Variants in SNX19 observed in about 807,000 individuals in gnomAD.
SNX19 encodes sorting nexin 19, also known as sorting nexin-19.
In SNX19, 60 loss-of-function variants were observed where a neutral mutation model predicts 85.2. The observed-to-expected ratio is 0.70, with a 90% CI of 0.57 to 0.87. SNX19 has a LOEUF of 0.87. SNX19 is among the 40% of genes least tolerant of loss of function. SNX19 has a pLI of 0.00. For missense variants in SNX19, 1,201 were observed against 1,217.8 expected, an observed-to-expected ratio of 0.99 and a Z score of 0.21; for synonymous variants, 520 against 470.0, an observed-to-expected ratio of 1.11 and a Z score of -1.38.
At chr11:130,901,187 C>T (rs1945235729) in intron 8 of SNX19, among the ~76,000 whole-genome samples, 1 of 152,160 alleles carries the variant, frequency 6.6e-6, no homozygotes, top group Non-Finnish European at 1.5e-5. Flanking sequence ...ACATCTCCTT[C>T]CCAGTTGTGA....
At chr11:130,894,409 A>G (rs1944722730) in intron 8 of SNX19, among the ~76,000 whole-genome samples, 1 of 152,234 alleles carries the variant, frequency 6.6e-6, no homozygotes, top group African/African-American at 2.4e-5. Flanking sequence ...AGGGTGAAAG[A>G]TCAAAGAAAC....
At position 130,871,084 on chromosome 11, in the gene SNX19, C is replaced by T. The variant is rs1010951505; in HGVS notation, c.*7338G>A. Among the ~76,000 whole-genome samples the T allele has an allele frequency of 1.3e-5, 2 of 152,006 alleles. No homozygotes were observed. Among genetic ancestry groups the T allele is most frequent in the Non-Finnish European group, 1.5e-5 (1 of 68,022 alleles). On this transcript the variant is annotated 3_prime_UTR_variant, in exon 11 of 11. Coordinates refer to ENST00000265909, the MANE Select transcript of SNX19 (RefSeq NM_014758.3). ...CTGGAGAAGAGAAGGTAATCTACCACGTGGAAGGAAGGACATGAACAAAAA... is the reference window on the plus strand; with the variant it reads ...CTGGAGAAGAGAAGGTAATCTACCATGTGGAAGGAAGGACATGAACAAAAA...
At chr11:130,900,916 C>A (rs80341375) in intron 8 of SNX19, among the ~76,000 whole-genome samples, 11,504 of 152,152 alleles carry the variant, frequency 0.076, 519 homozygotes, top group African/African-American at 0.11. Flanking sequence ...TGTAAAGGTA[C>A]TGGGAAGGGA....
chr11:130,879,547 C>T, intron 10 of SNX19, 77 bp downstream of exon 10: 1 of 1,301,660 alleles, frequency 7.7e-7, no homozygotes, highest in Non-Finnish European at 1.1e-6. Context: ...GGGCTTTTCA[C>T]TCAGAAACCT....
At chr11:130,906,792 G>C (rs577306902) in intron 5 of SNX19, 71 bp from the exon 6 acceptor site, 145 of 1,090,868 alleles carry the variant, frequency 1.3e-4, no homozygotes, top group Non-Finnish European at 1.8e-4. Context: ...GGGCTGGCAA[G>C]TACTGATAAT....
chr11:130,872,004 A>C lies in SNX19; in HGVS notation c.*6418T>G, dbSNP rs774659635. 8.5e-5 allele frequency among the ~76,000 whole-genome samples: 13 copies of C among 152,144 alleles called. No individual in the cohort carries two copies. Among genetic ancestry groups the C allele is most frequent in the Non-Finnish European group, 1.6e-4 (11 of 68,030 alleles). The stretch of plus-strand genomic sequence containing the variant: ...CTAAGTTTGGATCTTGATTACTGTT[A>C]CCTTCGTTTTGTTTTTTTAATTCTC... On this transcript the variant is annotated 3_prime_UTR_variant, in exon 11 of 11. Transcript: ENST00000265909.
chr11:130,904,898 T>C (rs1423366749), intron 7 of SNX19, among the ~76,000 whole-genome samples: 1 of 152,136 alleles, frequency 6.6e-6, no homozygotes, highest in Admixed American at 6.5e-5. Context: ...TTCACTGTCA[T>C]ATCACTTCAT....
chr11:130,907,228 A>G (rs760182011), intron 5 of SNX19, among the ~76,000 whole-genome samples: 21 of 152,226 alleles, frequency 1.4e-4, no homozygotes, highest in Non-Finnish European at 2.5e-4. Context: ...TCATAAGCAG[A>G]GGTATCATGG....
rs1241158390 is a variant in SNX19, at chr11:130,915,975, C to T, written c.-36G>A. 1.3e-6 allele frequency: 2 copies of T among 1,570,768 alleles called. No individual in the cohort carries two copies. On this transcript the variant is annotated 5_prime_UTR_variant, in exon 1 of 11. Transcript: ENST00000265909. ...ACAAGGTGGCTTCCCCAGATGACAGCCCTCAAGATTTTACTTCAGAGTTAG... is the reference window on the plus strand; with the variant it reads ...ACAAGGTGGCTTCCCCAGATGACAGTCCTCAAGATTTTACTTCAGAGTTAG...
At chr11:130,908,160 G>C in intron 4 of SNX19, 77 bp from the exon 5 acceptor site, 1 of 1,532,412 alleles carries the variant, frequency 6.5e-7, no homozygotes, top group East Asian at 2.3e-5. Context: ...TCGCCTCACA[G>C]CACTTTATGC....
At position 130,910,033 on chromosome 11, in the gene SNX19, G is replaced by T. The variant is rs943897077; in HGVS notation, c.2019C>A (p.Val673=). 11 of 1,613,408 alleles carry T rather than the reference G, an allele frequency of 6.8e-6. No individual in the cohort carries two copies. Among genetic ancestry groups the T allele is most frequent in the Non-Finnish European group, 9.3e-6 (11 of 1,180,030 alleles). Residue 673 remains valine (V), a synonymous_variant, in exon 4 of 11, where the codon GTC becomes GTA. Coordinates refer to ENST00000265909, the MANE Select transcript of SNX19 (RefSeq NM_014758.3). The part of the protein sequence containing the change: ...RIAFVKKPFM[V]SRIDKMVVSA... Reference sequence around the variant, plus strand: ...CTGCTGGTACCTTGTCTATTCTAGAGACCATAAATGGTTTCTTGACAAAGG... The same window carrying T: ...CTGCTGGTACCTTGTCTATTCTAGATACCATAAATGGTTTCTTGACAAAGG...
At position 130,915,277 on chromosome 11, in the gene SNX19, T is replaced by C; in HGVS notation, c.663A>G (p.Gln221=). 6.2e-7 allele frequency: 1 copy of C among 1,614,226 alleles called. No homozygotes were observed. Among genetic ancestry groups the C allele is most frequent in the South Asian group, 1.1e-5 (1 of 91,088 alleles). The change falls in exon 1 of 11, where the codon CAA becomes CAG. Residue 221 remains glutamine (Q), a synonymous_variant. Coordinates refer to ENST00000265909, the MANE Select transcript of SNX19 (RefSeq NM_014758.3). ...YTRGVVNLLL[Q]GLVPKPHLET... ...CCAAGTGGGGCTTGGGCACCAGCCC[T>C]TGAAGCAACAAATTCACAACGCCAC...
At chr11:130,880,987 C>T in intron 8 of SNX19, 181 bp from the exon 9 acceptor site, 2 of 426,550 alleles carry the variant, frequency 4.7e-6, no homozygotes, top group Non-Finnish European at 4.1e-6. Context: ...AAGGTAAATG[C>T]CCTTATAAAA....
chr11:130,889,998 C>T (rs1373094014), intron 8 of SNX19, among the ~76,000 whole-genome samples: 1 of 152,160 alleles, frequency 6.6e-6, no homozygotes, highest in Non-Finnish European at 1.5e-5. Flanking sequence ...AGATACAGTA[C>T]AGGCTTCTCT....
intron 8 of SNX19, among the ~76,000 whole-genome samples, chr11:130,885,156 T>C (rs1005708549): frequency 2.2e-4 from 34 of 152,100 alleles, no homozygotes; most frequent in African/African-American, 6.8e-4. Context: ...AGAGCCTTAA[T>C]AGGGGGCCTA....
intron 8 of SNX19, among the ~76,000 whole-genome samples, chr11:130,889,429 A>T (rs1944339750): frequency 6.6e-6 from 1 of 152,114 alleles, no homozygotes; most frequent in African/African-American, 2.4e-5. Context: ...TGAAGGCAGA[A>T]ATCTTATGTA....
intron 8 of SNX19, chr11:130,901,813 G>A (rs563291175): frequency 6.5e-4 from 97 of 150,112 alleles, no homozygotes; most frequent in African/African-American, 2.1e-3. Flanking sequence ...TTCTAAGTTG[G>A]CTTCAGAAGC....
rs1162379304 is a variant in SNX19, at chr11:130,871,876, C to A, written c.*6546G>T. Among the ~76,000 whole-genome samples the A allele has an allele frequency of 3.9e-5, 6 of 152,198 alleles. No individual in the cohort carries two copies. Among genetic ancestry groups the A allele is most frequent in the African/African-American group, 1.4e-4 (6 of 41,452 alleles). On this transcript the variant is annotated 3_prime_UTR_variant, in exon 11 of 11. Transcript: ENST00000265909. ...AAACTTACCTTCTTAATCACTACAA[C>A]ACTTTAATATTAAAATTAGCTTACA...
At chr11:130,905,202 C>G (rs926637435) in intron 7 of SNX19, among the ~76,000 whole-genome samples, 2 of 152,022 alleles carry the variant, frequency 1.3e-5, no homozygotes, top group Non-Finnish European at 2.9e-5. Flanking sequence ...ATCTGCTCTT[C>G]TTCTCCTGGA....
Sources: allele counts gnomAD v4.1 joint callset (sites outside exome capture counted in the v4.1 genomes callset), GRCh38; gene constraint gnomAD v4.1.1; transcripts MANE v1.5; gene names NCBI Gene and HGNC (gene_info 2026-07-23, HGNC 2026-07-21).